Variants in MTNR1A observed in about 807,000 individuals in gnomAD.
MTNR1A encodes melatonin receptor 1A.
In MTNR1A, 7 loss-of-function variants were observed where a neutral mutation model predicts 5.5. The ratio of observed to expected loss-of-function variants is 1.28; its 90% CI spans 0.73 to 2.40. The LOEUF (loss-of-function observed/expected upper bound fraction) is 2.40, where lower values mean the gene tolerates loss of function less well. Ranked by LOEUF, MTNR1A falls within the 30% of genes most tolerant of loss-of-function variation. MTNR1A has a pLI of 0.00. For missense variants in MTNR1A, 441 were observed against 464.4 expected, an observed-to-expected ratio of 0.95 and a Z score of 0.46; for synonymous variants, 196 against 202.7, an observed-to-expected ratio of 0.97 and a Z score of 0.28.
chr4:186,538,951 A>G (rs62350386), intron 1 of MTNR1A, among the ~76,000 whole-genome samples: 14,094 of 152,106 alleles, frequency 0.093, 952 homozygotes, highest in African/African-American at 0.19. Context: ...TGGGTGTGGC[A>G]GCTCACGCCT....
At chr4:186,553,506 T>TTTTTA (rs1321473392) in intron 1 of MTNR1A, among the ~76,000 whole-genome samples, 2 of 152,214 alleles carry the variant, frequency 1.3e-5, no homozygotes, top group Non-Finnish European at 2.9e-5. Flanking sequence ...CATTTTTTAC[T>TTTTTA]TTTTATTTTA....
In MTNR1A at chr4:186,555,527, A is replaced by T; in HGVS notation, c.-162T>A. 1 of 417,596 alleles carries T rather than the reference A, an allele frequency of 2.4e-6. No homozygotes were observed. The highest frequency in any genetic ancestry group is 3.7e-6 in the Non-Finnish European group (1 of 270,848). 25.9% of individuals were successfully genotyped at this position (417,596 alleles called of 1,614,324 possible). A position where few individuals can be genotyped will look rare whatever the true frequency, so the allele number is the denominator to read the frequency against. On this transcript the variant is annotated 5_prime_UTR_variant, in exon 1 of 2. Coordinates refer to ENST00000307161, the MANE Select transcript of MTNR1A (RefSeq NM_005958.4). The surrounding 1 kb of genome is among the most constrained non-coding windows in gnomAD (Gnocchi z 4.1). ...CCACGCCGCGCCGGACGCCACGGCC[A>T]GGTGACACCTGGTGTCCGCCGCGAG...
intron 1 of MTNR1A, among the ~76,000 whole-genome samples, chr4:186,540,271 C>T (rs1427693192): frequency 6.6e-6 from 1 of 152,238 alleles, no homozygotes; most frequent in Non-Finnish European, 1.5e-5. Flanking sequence ...CATCAATGCT[C>T]AAGTCCCACA....
intron 1 of MTNR1A, among the ~76,000 whole-genome samples, chr4:186,551,377 T>C (rs10866293): frequency 0.88 from 134,523 of 152,082 alleles, 59,762 homozygotes; most frequent in East Asian, 0.94. Context: ...CCATTTCTGG[T>C]TGATTTCACT....
intron 1 of MTNR1A, among the ~76,000 whole-genome samples, chr4:186,548,377 A>C (rs1737199755): frequency 6.6e-6 from 1 of 152,170 alleles, no homozygotes; most frequent in Non-Finnish European, 1.5e-5. Flanking sequence ...TCATAAAAGT[A>C]ACTTTTTAAA....
At chr4:186,543,742 T>C (rs1032335134) in intron 1 of MTNR1A, among the ~76,000 whole-genome samples, 14 of 152,218 alleles carry the variant, frequency 9.2e-5, no homozygotes, top group African/African-American at 3.1e-4. Context: ...AGGGTTAATG[T>C]ATTTTCAATT....
intron 1 of MTNR1A, among the ~76,000 whole-genome samples, chr4:186,538,573 C>G (rs78723139): frequency 1.3e-5 from 2 of 152,168 alleles, no homozygotes; most frequent in Non-Finnish European, 2.9e-5. Context: ...AGTCCCTCCT[C>G]CCAGGTTCTA....
chr4:186,533,827 T>C lies in MTNR1A; in HGVS notation c.915A>G (p.Glu305=). 8 of 1,614,196 alleles carry C rather than the reference T, an allele frequency of 5.0e-6. No individual in the cohort carries two copies. Among genetic ancestry groups the C allele is most frequent in the Non-Finnish European group, 6.8e-6 (8 of 1,180,042 alleles). Residue 305 remains glutamate (E), a synonymous_variant, in exon 2 of 2, where the codon GAA becomes GAG. Coordinates refer to ENST00000307161, the MANE Select transcript of MTNR1A (RefSeq NM_005958.4). ...YGLLNQNFRK[E]YRRIIVSLCT... Reference sequence around the variant, plus strand: ...AGAGCGAGACTATAATTCTCCTGTATTCCTTCCTGAAATTTTGGTTCAGTA... The same window carrying C: ...AGAGCGAGACTATAATTCTCCTGTACTCCTTCCTGAAATTTTGGTTCAGTA...
chr4:186,544,181 C>T (rs1244481129), intron 1 of MTNR1A, among the ~76,000 whole-genome samples: 1 of 152,102 alleles, frequency 6.6e-6, no homozygotes, highest in Non-Finnish European at 1.5e-5. Flanking sequence ...CCACCATGCC[C>T]AGCTAATTTT....
At chr4:186,550,719 ATTAAT>A (rs1737251395) in intron 1 of MTNR1A, among the ~76,000 whole-genome samples, 1 of 152,210 alleles carries the variant, frequency 6.6e-6, no homozygotes, top group Non-Finnish European at 1.5e-5. Flanking sequence ...CTTATCTGTG[ATTAAT>A]TTAACACTGA....
At chr4:186,534,589 A>G in intron 1 of MTNR1A, 32 bp from the exon 2 acceptor site, 1 of 1,602,394 alleles carries the variant, frequency 6.2e-7, no homozygotes, top group South Asian at 1.1e-5. Flanking sequence ...AATACAGTGA[A>G]TACCAGTTCA....
chr4:186,538,899 G>A (rs775970364), intron 1 of MTNR1A, among the ~76,000 whole-genome samples: 16 of 152,014 alleles, frequency 1.1e-4, no homozygotes, highest in Admixed American at 5.2e-4. Context: ...TGGTAGTCAC[G>A]GCCTGCAGGG....
Position 186,533,805 on chromosome 4 carries a change from G to A in MTNR1A, c.937C>T (p.Leu313Phe). Residue 313 changes from leucine to phenylalanine, a missense_variant, in exon 2 of 2, where the codon CTC (leucine) becomes TTC (phenylalanine). Leu to Phe is a conservative substitution (Grantham distance 22). Transcript: ENST00000307161. Reference protein sequence around the residue: ...RKEYRRIIVSLCTARVFFVDS... With the variant: ...RKEYRRIIVSFCTARVFFVDS... The stretch of plus-strand genomic sequence containing the variant: ...ACAAAGAACACCCTGGCTGTACAGA[G>A]CGAGACTATAATTCTCCTGTATTCC... 9 of 1,614,180 alleles carry A rather than the reference G, an allele frequency of 5.6e-6. No homozygotes were observed. Among genetic ancestry groups the A allele is most frequent in the Non-Finnish European group, 7.6e-6 (9 of 1,180,038 alleles).
chr4:186,552,891 T>A (rs1040162412), intron 1 of MTNR1A, among the ~76,000 whole-genome samples: 1 of 152,210 alleles, frequency 6.6e-6, no homozygotes, highest in African/African-American at 2.4e-5. Context: ...GAATATTCTG[T>A]TGGCACCACA....
chr4:186,544,341 C>G (rs553994680), intron 1 of MTNR1A, among the ~76,000 whole-genome samples: 1 of 152,152 alleles, frequency 6.6e-6, no homozygotes, highest in Non-Finnish European at 1.5e-5. Flanking sequence ...TTGTGTAATG[C>G]TTTTTTATGC....
intron 1 of MTNR1A, among the ~76,000 whole-genome samples, chr4:186,553,249 G>A (rs979351761): frequency 1.3e-5 from 2 of 152,148 alleles, no homozygotes; most frequent in African/African-American, 4.8e-5. Flanking sequence ...CCTTATCACT[G>A]TTTCAAATTA....
chr4:186,548,637 A>C (rs1287380543), intron 1 of MTNR1A, among the ~76,000 whole-genome samples: 1 of 151,654 alleles, frequency 6.6e-6, no homozygotes, highest in Non-Finnish European at 1.5e-5. Context: ...ACAAGTGAGG[A>C]AACTGAGCAA....
chr4:186,538,920 T>C (rs951338415), intron 1 of MTNR1A, among the ~76,000 whole-genome samples: 38 of 152,046 alleles, frequency 2.5e-4, no homozygotes, highest in Non-Finnish European at 7.4e-5. Flanking sequence ...GCAAAAGAAT[T>C]CCTTAAAAGA....
At position 186,545,454 on chromosome 4, in the gene MTNR1A, A is replaced by G. The variant is rs182496169; in HGVS notation, c.184+9728T>C. On this transcript the variant is annotated intron_variant, in intron 1 of 1. Transcript: ENST00000307161. ...CCTCACTGTGGACATGAACCTTCAC[A>G]TTCTCACGGTGAGCACAGAGCCTGG... Among the ~76,000 whole-genome samples the G allele has an allele frequency of 5.9e-5, 9 of 152,250 alleles. No individual in the cohort carries two copies. In the East Asian group the frequency reaches 1.5e-3, roughly 26 times the overall value.
Sources: gnomAD v4.1 joint callset for allele counts (sites outside exome capture counted in the v4.1 genomes callset) on GRCh38, gnomAD v4.1.1 for gene constraint, Gnocchi (gnomAD v3.1) non-coding constraint, MANE v1.5 for transcripts, NCBI Gene and HGNC (gene_info 2026-07-23, HGNC 2026-07-21) for gene names.